GALNT18: variants seen among roughly 807,000 people sequenced by gnomAD.
The protein encoded by GALNT18 is polypeptide N-acetylgalactosaminyltransferase 18, also known as GalNAc-transferase 18.
GALNT18 carries 44 observed loss-of-function variants against 69.5 expected under a neutral mutation model. The observed-to-expected ratio is 0.63, with a 90% confidence interval of 0.50 to 0.81. The LOEUF is 0.81. Among genes scored for constraint, GALNT18 ranks in the 40% least tolerant of loss-of-function variants. The pLI is 0.00. For synonymous variants in GALNT18, 364 were observed against 318.2 expected (o/e 1.14, Z -1.53); for missense variants, 715 against 810.0 (o/e 0.88, Z 1.42).
chr11:11,527,312 G>A (rs1043354762), intron 1 of GALNT18, among the ~76,000 whole-genome samples: 7 of 152,156 alleles, frequency 4.6e-5, no homozygotes, highest in Admixed American at 2.0e-4. Flanking sequence ...TTGATCAAAT[G>A]TCCCCATGGT....
chr11:11,379,369 G>C (rs995234310), intron 3 of GALNT18, 105 bp from the exon 4 acceptor site: 17 of 1,153,564 alleles, frequency 1.5e-5, no homozygotes, highest in Middle Eastern at 2.9e-4. Context: ...GAAAGGCTGG[G>C]GGACCCATTC....
Position 11,525,916 on chromosome 11 carries a change from G to A in GALNT18, c.236-76980C>T, listed in dbSNP as rs931680785. 1.9e-4 allele frequency among the ~76,000 whole-genome samples: 29 copies of A among 152,210 alleles called. 2 individuals carry two copies. Among genetic ancestry groups the A allele is most frequent in the Admixed American group, 1.9e-3 (29 of 15,282 alleles). On this transcript the variant is annotated intron_variant, in intron 1 of 10. Coordinates refer to ENST00000227756, the MANE Select transcript of GALNT18 (RefSeq NM_198516.3). Reference sequence around the variant, plus strand: ...CCTAAAGTGCTGGGATTACACTCATGAGCCACCGTGCCCGGCCACGCATAT... The same window carrying A: ...CCTAAAGTGCTGGGATTACACTCATAAGCCACCGTGCCCGGCCACGCATAT...
intron 10 of GALNT18, among the ~76,000 whole-genome samples, chr11:11,284,399 A>C (rs1025985827): frequency 2.6e-5 from 4 of 152,138 alleles, no homozygotes; most frequent in African/African-American, 9.7e-5. Context: ...ATAAGGCCTG[A>C]AAATGTGCCT....
intron 10 of GALNT18, 132 bp from the exon 11 acceptor site, chr11:11,271,422 A>T (rs1052884360): frequency 9.3e-6 from 8 of 856,464 alleles, no homozygotes; most frequent in Non-Finnish European, 1.5e-5. Context: ...CAGCATTCCC[A>T]TGAAACTGCA....
intron 3 of GALNT18, among the ~76,000 whole-genome samples, chr11:11,398,168 T>A (rs1304214904): frequency 1.3e-5 from 2 of 152,244 alleles, no homozygotes; most frequent in Non-Finnish European, 2.9e-5. Context: ...GATTGCACAC[T>A]TAATAAGTAG....
intron 6 of GALNT18, among the ~76,000 whole-genome samples, chr11:11,369,343 C>T (rs1850843163): frequency 6.6e-6 from 1 of 152,182 alleles, no homozygotes; most frequent in Non-Finnish European, 1.5e-5. Flanking sequence ...TTGCCTGTTC[C>T]AGCTTTCGAT....
intron 6 of GALNT18, chr11:11,353,079 T>C (rs746004196): frequency 1.2e-6 from 2 of 1,614,084 alleles, no homozygotes; most frequent in African/African-American, 2.7e-5. Context: ...TGTATTAACA[T>C]CTGTGTAAAC....
At position 11,621,914 on chromosome 11, in the gene GALNT18, T is replaced by C. The variant is rs1860203864; in HGVS notation, c.-321A>G. 4.6e-6 allele frequency: 1 copy of C among 215,654 alleles called. No individual in the cohort carries two copies. The highest frequency in any genetic ancestry group is 1.0e-4 in the East Asian group (1 of 9,904). 13.4% of individuals were successfully genotyped at this position (215,654 alleles called of 1,614,324 possible). Reference sequence around the variant, plus strand: ...CCAGATGTGTACGTCTGGGAAACTTTGCCACTGCCTGTGTCGGCGGCCACG... The same window carrying C: ...CCAGATGTGTACGTCTGGGAAACTTCGCCACTGCCTGTGTCGGCGGCCACG... On this transcript the variant is annotated 5_prime_UTR_variant, in exon 1 of 11. Coordinates refer to ENST00000227756, the MANE Select transcript of GALNT18 (RefSeq NM_198516.3). This position sits in a 1 kb window ranked among gnomAD's most constrained non-coding sequence, Gnocchi z 9.3.
At chr11:11,471,570 G>C (rs1051119373) in intron 1 of GALNT18, among the ~76,000 whole-genome samples, 3 of 152,120 alleles carry the variant, frequency 2.0e-5, no homozygotes, top group African/African-American at 4.8e-5. Context: ...GTGCTTTTTG[G>C]CATGCACCAG....
In GALNT18 at chr11:11,338,259, C is replaced by T. The variant is rs538868194; in HGVS notation, c.1278+2560G>A. Among the ~76,000 whole-genome samples the T allele has an allele frequency of 2.0e-5, 3 of 152,242 alleles. No homozygotes were observed. Among genetic ancestry groups the T allele is most frequent in the South Asian group, 2.1e-4 (1 of 4,816 alleles). ...CTGGCATTACAGGCATGAGCCACTG[C>T]GCCTGGCCTCATTTAAAGATTTTAA... is the stretch of plus-strand genomic sequence containing the variant. On this transcript the variant is annotated intron_variant, in intron 7 of 10. Transcript: ENST00000227756. This position sits in a 1 kb window ranked among gnomAD's most constrained non-coding sequence, Gnocchi z 5.3.
chr11:11,298,894 A>G (rs1004755057), intron 9 of GALNT18, among the ~76,000 whole-genome samples: 2 of 152,052 alleles, frequency 1.3e-5, no homozygotes, highest in African/African-American at 4.8e-5. Flanking sequence ...GTTAGCTTCT[A>G]CTCCACCAAA....
At chr11:11,284,051 G>A (rs561884407) in intron 10 of GALNT18, among the ~76,000 whole-genome samples, 1 of 152,264 alleles carries the variant, frequency 6.6e-6, no homozygotes, top group Non-Finnish European at 1.5e-5. Flanking sequence ...GTCACCTCAG[G>A]AAAATGGCTG....
chr11:11,279,155 C>G (rs1433305443), intron 10 of GALNT18, among the ~76,000 whole-genome samples: 1 of 152,096 alleles, frequency 6.6e-6, no homozygotes, highest in Non-Finnish European at 1.5e-5. Context: ...CTCCTCTCAC[C>G]ACTCTCTCTC....
rs1033107098 is a variant in GALNT18, at chr11:11,465,881, C to T, written c.236-16945G>A. On this transcript the variant is annotated intron_variant, in intron 1 of 10. Coordinates refer to ENST00000227756, the MANE Select transcript of GALNT18 (RefSeq NM_198516.3). The surrounding 1 kb of genome is among the most constrained non-coding windows in gnomAD (Gnocchi z 5.7). ...GAGTACTTCTGCCTTCTTCCCTGGC[C>T]TCACTGCATGGCTCACCAGTGCTCT... Among the ~76,000 whole-genome samples the T allele has an allele frequency of 2.6e-5, 4 of 152,138 alleles. No homozygotes were observed. Among genetic ancestry groups the T allele is most frequent in the African/African-American group, 9.7e-5 (4 of 41,424 alleles).
intron 2 of GALNT18, among the ~76,000 whole-genome samples, chr11:11,447,180 G>T (rs1855675215): frequency 6.6e-6 from 1 of 152,044 alleles, no homozygotes; most frequent in Non-Finnish European, 1.5e-5. Flanking sequence ...CAGGGCCTTT[G>T]CACTTGCCAC....
chr11:11,335,819 C>T (rs1427817287), intron 7 of GALNT18, among the ~76,000 whole-genome samples: 4 of 152,132 alleles, frequency 2.6e-5, no homozygotes, highest in African/African-American at 7.2e-5. Context: ...CCAGGGACCC[C>T]CTCAGGGCCA....
At chr11:11,448,532 G>A (rs919762675) in intron 2 of GALNT18, among the ~76,000 whole-genome samples, 4 of 152,254 alleles carry the variant, frequency 2.6e-5, no homozygotes, top group Admixed American at 6.5e-5. Context: ...TCTACTGGAA[G>A]AAAGCTTTGC....
intron 8 of GALNT18, among the ~76,000 whole-genome samples, chr11:11,329,476 A>G (rs1033105233): frequency 3.3e-5 from 5 of 152,164 alleles, no homozygotes; most frequent in African/African-American, 1.2e-4. Context: ...ACACTTCCCC[A>G]TATCGCCCTT....
In GALNT18 at chr11:11,511,857, G is replaced by C. The variant is rs1857172150; in HGVS notation, c.236-62921C>G. 6.6e-6 allele frequency among the ~76,000 whole-genome samples: 1 copy of C among 152,128 alleles called. No individual in the cohort carries two copies. The highest frequency in any genetic ancestry group is 2.4e-5 in the African/African-American group (1 of 41,496). ...CGGACCACACTGGTACCCTGATCTGGGACTTTCAGCCCCCAGAACTATGAA... is the reference window on the plus strand; with the variant it reads ...CGGACCACACTGGTACCCTGATCTGCGACTTTCAGCCCCCAGAACTATGAA... On this transcript the variant is annotated intron_variant, in intron 1 of 10. Transcript: ENST00000227756. This position sits in a 1 kb window ranked among gnomAD's most constrained non-coding sequence, Gnocchi z 4.9.
Sources: allele counts gnomAD v4.1 joint callset (sites outside exome capture counted in the v4.1 genomes callset), GRCh38; gene constraint gnomAD v4.1.1; non-coding constraint Gnocchi (gnomAD v3.1); transcripts MANE v1.5; gene names NCBI Gene and HGNC (gene_info 2026-07-23, HGNC 2026-07-21).